Variants in PPP4R3A observed in about 807,000 individuals in gnomAD.
PPP4R3A encodes the protein serine/threonine-protein phosphatase 4 regulatory subunit 3A.
PPP4R3A carries 15 observed loss-of-function variants against 91.7 expected under a neutral mutation model. The ratio of observed to expected loss-of-function variants is 0.16; its 90% CI spans 0.11 to 0.25. The LOEUF (loss-of-function observed/expected upper bound fraction) is 0.25. Among genes scored for constraint, PPP4R3A ranks in the 10% least tolerant of loss-of-function variants. PPP4R3A has a pLI of 1.00. For synonymous variants in PPP4R3A, 377 were observed against 348.7 expected, an observed-to-expected ratio of 1.08 and a Z score of -0.91; for missense variants, 623 against 998.4, an observed-to-expected ratio of 0.62 and a Z score of 5.07.
At chr14:91,498,474 A>G (rs909254973) in intron 1 of PPP4R3A, among the ~76,000 whole-genome samples, 2 of 152,202 alleles carry the variant, frequency 1.3e-5, no homozygotes, top group African/African-American at 4.8e-5. Flanking sequence ...TTAATTTCTA[A>G]TATGGTAAAT....
intron 14 of PPP4R3A, among the ~76,000 whole-genome samples, chr14:91,460,978 C>T (rs1206423233): frequency 1.3e-5 from 2 of 152,092 alleles, no homozygotes; most frequent in Non-Finnish European, 2.9e-5. Context: ...CTTAACAAAC[C>T]TTAACTGGCA....
At chr14:91,472,464 T>G (rs1888909201) in intron 9 of PPP4R3A, among the ~76,000 whole-genome samples, 1 of 149,462 alleles carries the variant, frequency 6.7e-6, no homozygotes, top group African/African-American at 2.5e-5. Context: ...AATTGTTTTT[T>G]TTTTTTTTTT....
intron 10 of PPP4R3A, among the ~76,000 whole-genome samples, chr14:91,468,731 C>G (rs1403572015): frequency 3.6e-5 from 4 of 111,886 alleles, no homozygotes; most frequent in Non-Finnish European, 7.3e-5. Context: ...TGTCCACATG[C>G]CACACTTTTT....
chr14:91,488,215 A>C (rs77764236), intron 2 of PPP4R3A, among the ~76,000 whole-genome samples: 13,694 of 152,072 alleles, frequency 0.09, 1,218 homozygotes, highest in East Asian at 0.44. Context: ...AAAAAAAAAA[A>C]AAATGAAAAA....
At chr14:91,470,775 A>G in intron 10 of PPP4R3A, 62 bp downstream of exon 10, 16 of 1,559,222 alleles carry the variant, frequency 1.0e-5, no homozygotes, top group African/African-American at 1.4e-5. Flanking sequence ...CATTTGGGCA[A>G]TAAGATGTAA....
At chr14:91,488,798 G>C (rs1472107233) in intron 2 of PPP4R3A, among the ~76,000 whole-genome samples, 1 of 152,062 alleles carries the variant, frequency 6.6e-6, no homozygotes, top group African/African-American at 2.4e-5. Context: ...CCATCTATGT[G>C]GCAGGTAATG....
At chr14:91,471,269 G>C (rs188912234) in intron 9 of PPP4R3A, among the ~76,000 whole-genome samples, 2 of 152,320 alleles carry the variant, frequency 1.3e-5, no homozygotes, top group Admixed American at 1.3e-4. Flanking sequence ...TAGTAAGGCA[G>C]AGTTATGATA....
intron 1 of PPP4R3A, among the ~76,000 whole-genome samples, chr14:91,494,246 T>A (rs922687480): frequency 6.6e-6 from 1 of 152,156 alleles, no homozygotes; most frequent in Non-Finnish European, 1.5e-5. Flanking sequence ...AGGACCCAAC[T>A]AGGAAACGCT....
chr14:91,490,585 T>C (rs532910318), intron 2 of PPP4R3A, among the ~76,000 whole-genome samples, 162 bp downstream of exon 2: 1 of 152,314 alleles, frequency 6.6e-6, no homozygotes, highest in South Asian at 2.1e-4. Flanking sequence ...TTTAAAATTA[T>C]TGTATTAAAC....
chr14:91,479,630 G>A (rs1256708122), intron 4 of PPP4R3A, among the ~76,000 whole-genome samples: 1 of 151,820 alleles, frequency 6.6e-6, no homozygotes, highest in African/African-American at 2.4e-5. Flanking sequence ...TGCAACCTCC[G>A]CCTCCCAGAT....
chr14:91,507,831 C>A (rs1010026154), intron 1 of PPP4R3A, among the ~76,000 whole-genome samples: 3 of 151,704 alleles, frequency 2.0e-5, no homozygotes, highest in African/African-American at 7.3e-5. Context: ...CTCAAATCTA[C>A]ATATGCTTTC....
intron 1 of PPP4R3A, among the ~76,000 whole-genome samples, chr14:91,493,292 G>A (rs1890338594): frequency 6.8e-6 from 1 of 146,694 alleles, no homozygotes; most frequent in East Asian, 1.9e-4. Context: ...AATCCAGCCT[G>A]GTCAACAGAG....
In PPP4R3A at chr14:91,458,874, T is replaced by TAAGAAATAAGGA. The variant is rs1296096130; in HGVS notation, c.2392-17_2392-6dup. On this transcript the variant is annotated splice_polypyrimidine_tract_variant and splice_region_variant and intron_variant, in intron 14 of 14. Coordinates refer to ENST00000554943, the MANE Select transcript of PPP4R3A (RefSeq NM_001366432.2). Reference sequence around the variant, plus strand: ...TACCAGACCCACGAGGCCTCCCTGTTAAGAAATAAGGATTATTTAAAGAAC... The same window carrying TAAGAAATAAGGA: ...TACCAGACCCACGAGGCCTCCCTGTTAAGAAATAAGGAAAGAAATAAGGATTATTTAAAGAAC... 1.9e-6 allele frequency: 3 copies of TAAGAAATAAGGA among 1,600,390 alleles called. No individual in the cohort carries two copies. Among genetic ancestry groups the TAAGAAATAAGGA allele is most frequent in the Admixed American group, 3.5e-5 (2 of 57,418 alleles).
At chr14:91,462,492 CTGTT>C in intron 12 of PPP4R3A, among the ~76,000 whole-genome samples, 1 of 121,296 alleles carries the variant, frequency 8.2e-6, no homozygotes, top group South Asian at 2.9e-4. Flanking sequence ...CTCACTTCCA[CTGTT>C]TGGTCTTTTT....
At position 91,509,493 on chromosome 14, in the gene PPP4R3A, G is replaced by C; in HGVS notation, c.142+13C>G. ...GGGGCTGCGAGGGTCCCGCCGCGCG[G>C]GGCTTCACTTACCGTCGCTCTCAGC... On this transcript the variant is annotated intron_variant, in intron 1 of 14. Transcript: ENST00000554943. 1 of 1,578,880 alleles carries C rather than the reference G, an allele frequency of 6.3e-7. No homozygotes were observed. Among genetic ancestry groups the C allele is most frequent in the Non-Finnish European group, 8.6e-7 (1 of 1,168,672 alleles).
intron 2 of PPP4R3A, among the ~76,000 whole-genome samples, chr14:91,486,636 T>G (rs571988435): frequency 6.6e-6 from 1 of 152,264 alleles, no homozygotes; most frequent in African/African-American, 2.4e-5. Flanking sequence ...ATAAAAATAT[T>G]TGGCTGGGCG....
At chr14:91,506,875 T>C (rs1160253210) in intron 1 of PPP4R3A, among the ~76,000 whole-genome samples, 1 of 152,154 alleles carries the variant, frequency 6.6e-6, no homozygotes, top group Non-Finnish European at 1.5e-5. Context: ...CATTCAGTTT[T>C]CCTTACAGCC....
intron 14 of PPP4R3A, among the ~76,000 whole-genome samples, chr14:91,460,505 A>G (rs999428896): frequency 2.0e-5 from 3 of 152,170 alleles, no homozygotes; most frequent in African/African-American, 7.2e-5. Flanking sequence ...CAGTCTTTTA[A>G]CTGCTAGTCT....
intron 14 of PPP4R3A, among the ~76,000 whole-genome samples, chr14:91,459,128 G>A (rs769075818): frequency 4.6e-5 from 7 of 151,528 alleles, no homozygotes; most frequent in Non-Finnish European, 7.4e-5. Context: ...TTTCCAAGTC[G>A]GAGTCTCGCT....
Sources: allele counts gnomAD v4.1 joint callset (sites outside exome capture counted in the v4.1 genomes callset), GRCh38; gene constraint gnomAD v4.1.1; transcripts MANE v1.5; gene names NCBI Gene and HGNC (gene_info 2026-07-23, HGNC 2026-07-21).